BMP6: variants seen among roughly 807,000 people sequenced by gnomAD.
The protein encoded by BMP6 is bone morphogenetic protein 6.
BMP6 carries 17 observed loss-of-function variants against 54.1 expected under a neutral mutation model. The observed-to-expected ratio is 0.31, with a 90% CI of 0.22 to 0.47. The LOEUF is 0.47. Ranked by LOEUF, BMP6 falls within the 20% of genes least tolerant of loss-of-function variation. The pLI, the probability that BMP6 is intolerant of heterozygous loss-of-function variation, is 1.00. For synonymous variants in BMP6, 328 were observed against 291.2 expected (o/e 1.13, Z -1.28); for missense variants, 720 against 690.4 (o/e 1.04, Z -0.48).
chr6:7,786,438 C>A (rs1758020668), intron 1 of BMP6, among the ~76,000 whole-genome samples: 1 of 147,770 alleles, frequency 6.8e-6, no homozygotes, highest in African/African-American at 2.5e-5. Flanking sequence ...TTCCAAACAG[C>A]TGCTTTTCCC....
chr6:7,738,666 A>AATTC (rs1761998088), intron 1 of BMP6, among the ~76,000 whole-genome samples: 1 of 152,236 alleles, frequency 6.6e-6, no homozygotes. Flanking sequence ...CAGGCTAGAT[A>AATTC]ATTCCCAAGA....
At chr6:7,768,633 G>A (rs1757729541) in intron 1 of BMP6, among the ~76,000 whole-genome samples, 2 of 152,066 alleles carry the variant, frequency 1.3e-5, no homozygotes, top group South Asian at 4.1e-4. Context: ...CGTTCTTATT[G>A]ACTGTAGTGG....
intron 1 of BMP6, among the ~76,000 whole-genome samples, chr6:7,784,765 G>A (rs1228541404): frequency 6.6e-6 from 1 of 152,188 alleles, no homozygotes; most frequent in East Asian, 1.9e-4. Flanking sequence ...TCAGTAGGAT[G>A]CTAACCTACA....
chr6:7,744,305 G>T (rs893128820), intron 1 of BMP6, among the ~76,000 whole-genome samples: 1 of 152,088 alleles, frequency 6.6e-6, no homozygotes, highest in Non-Finnish European at 1.5e-5. Context: ...ATGAAGCCTT[G>T]TCTCTACCAA....
At chr6:7,792,076 A>G (rs1187575138) in intron 1 of BMP6, among the ~76,000 whole-genome samples, 2 of 152,128 alleles carry the variant, frequency 1.3e-5, no homozygotes. Flanking sequence ...ACAATTCAAA[A>G]TCCATAACTG....
intron 4 of BMP6, among the ~76,000 whole-genome samples, chr6:7,864,557 C>A (rs554603303): frequency 6.6e-6 from 1 of 152,300 alleles, no homozygotes; most frequent in Non-Finnish European, 1.5e-5. Flanking sequence ...GGTGGCCAAA[C>A]ATGTTGGGAA....
At chr6:7,817,063 A>G (rs1028092268) in intron 1 of BMP6, among the ~76,000 whole-genome samples, 1 of 152,126 alleles carries the variant, frequency 6.6e-6, no homozygotes, top group African/African-American at 2.4e-5. Context: ...TCACCAGTCC[A>G]CTCGAGAGAA....
chr6:7,729,514 T>C (rs1454521483), intron 1 of BMP6, among the ~76,000 whole-genome samples: 3 of 152,178 alleles, frequency 2.0e-5, no homozygotes, highest in Non-Finnish European at 4.4e-5. Context: ...AGCTGCCCTG[T>C]AGTATCACCC....
At chr6:7,870,309 C>A (rs1031872297) in intron 4 of BMP6, among the ~76,000 whole-genome samples, 30 of 152,350 alleles carry the variant, frequency 2.0e-4, no homozygotes, top group African/African-American at 7.0e-4. Context: ...CCACATGGTC[C>A]CGCCATCGGG....
chr6:7,859,725 G>T (rs1305554339), intron 2 of BMP6, among the ~76,000 whole-genome samples: 2 of 152,074 alleles, frequency 1.3e-5, no homozygotes, highest in African/African-American at 4.8e-5. Flanking sequence ...AGTGATGGGG[G>T]GTAATTTGTC....
At chr6:7,748,405 A>T (rs1757376747) in intron 1 of BMP6, among the ~76,000 whole-genome samples, 1 of 152,178 alleles carries the variant, frequency 6.6e-6, no homozygotes, top group Non-Finnish European at 1.5e-5. Flanking sequence ...TTCAGACATC[A>T]TTCTCTTATG....
At chr6:7,787,380 G>C (rs1758035550) in intron 1 of BMP6, among the ~76,000 whole-genome samples, 1 of 152,194 alleles carries the variant, frequency 6.6e-6, no homozygotes, top group Non-Finnish European at 1.5e-5. Context: ...CCAAGAGAGT[G>C]AAAACAATCC....
chr6:7,877,967 G>T (rs1467866090), intron 4 of BMP6, among the ~76,000 whole-genome samples: 1 of 152,196 alleles, frequency 6.6e-6, no homozygotes, highest in Non-Finnish European at 1.5e-5. Flanking sequence ...GGCTCACTTT[G>T]TGCCTCTGGT....
chr6:7,729,319 AC>A (rs1237547039), intron 1 of BMP6, among the ~76,000 whole-genome samples: 1 of 112,220 alleles, frequency 8.9e-6, no homozygotes, highest in Non-Finnish European at 1.9e-5. Flanking sequence ...TTCCACCCTC[AC>A]CCCCCGCCCC....
intron 1 of BMP6, among the ~76,000 whole-genome samples, chr6:7,777,561 T>C (rs1285586864): frequency 6.6e-6 from 1 of 152,000 alleles, no homozygotes; most frequent in Non-Finnish European, 1.5e-5. Context: ...GGAAGTGCCA[T>C]GTTTCTTAGA....
At chr6:7,806,353 A>G (rs1758347001) in intron 1 of BMP6, among the ~76,000 whole-genome samples, 2 of 152,236 alleles carry the variant, frequency 1.3e-5, no homozygotes, top group South Asian at 4.1e-4. Flanking sequence ...TCCCATTTTT[A>G]GGATTACTAA....
At chr6:7,758,656 C>G (rs1394289000) in intron 1 of BMP6, among the ~76,000 whole-genome samples, 1 of 152,200 alleles carries the variant, frequency 6.6e-6, no homozygotes, top group African/African-American at 2.4e-5. Flanking sequence ...CTTTAAGATG[C>G]CTTAGAGGAT....
chr6:7,796,759 C>G (rs937894792), intron 1 of BMP6, among the ~76,000 whole-genome samples: 1 of 152,144 alleles, frequency 6.6e-6, no homozygotes, highest in African/African-American at 2.4e-5. Context: ...AAAATATTTA[C>G]TCTGTAAGCA....
chr6:7,741,479 T>C (rs1433076932), intron 1 of BMP6, among the ~76,000 whole-genome samples: 1 of 135,302 alleles, frequency 7.4e-6, no homozygotes, highest in Non-Finnish European at 1.7e-5. Flanking sequence ...TAATTTTTTG[T>C]AGAGATGGGG....
Sources: gnomAD v4.1 joint callset for allele counts (sites outside exome capture counted in the v4.1 genomes callset) on GRCh38, gnomAD v4.1.1 for gene constraint, MANE v1.5 for transcripts, NCBI Gene and HGNC (gene_info 2026-07-23, HGNC 2026-07-21) for gene names.